The following CDKAL1 variants were observed in gnomAD, a reference collection of about 807,000 sequenced individuals.
The protein encoded by CDKAL1 is threonylcarbamoyladenosine tRNA methylthiotransferase.
CDKAL1 carries 32 observed loss-of-function variants against 68.2 expected under a neutral mutation model. That is an observed-to-expected ratio of 0.47 (90% CI 0.35 to 0.63). The LOEUF is 0.63. Ranked by LOEUF, CDKAL1 falls within the 30% of genes least tolerant of loss-of-function variation. CDKAL1 has a pLI of 0.00. For synonymous variants in CDKAL1, 234 were observed against 244.3 expected, an observed-to-expected ratio of 0.96 and a Z score of 0.39; for missense variants, 606 against 696.7, an observed-to-expected ratio of 0.87 and a Z score of 1.47.
chr6:20,674,448 A>T (rs1294654561), intron 5 of CDKAL1, among the ~76,000 whole-genome samples: 2 of 152,182 alleles, frequency 1.3e-5, no homozygotes, highest in Non-Finnish European at 2.9e-5. Flanking sequence ...TTTTCTTTTT[A>T]AAAAATGGAT....
rs557462183 is a variant in CDKAL1 at position 21,058,126 on chromosome 6, G to A, written c.1056-6922G>A. The stretch of plus-strand genomic sequence containing the variant: ...TGAAAGTGGGGTTTTAAAGTGTCCC[G>A]CTATTATTGGGTGGGAGTCTAAGTC... On this transcript the variant is annotated intron_variant, in intron 11 of 15. Coordinates refer to ENST00000274695, the MANE Select transcript of CDKAL1 (RefSeq NM_017774.3). Among the ~76,000 whole-genome samples, 18 of 152,200 alleles carry A rather than the reference G, an allele frequency of 1.2e-4. No individual in the cohort carries two copies. The South Asian group carries it at 2.3e-3, about 19-fold the overall frequency.
chr6:20,977,309 G>C (rs1055711557), intron 10 of CDKAL1, among the ~76,000 whole-genome samples: 1 of 152,018 alleles, frequency 6.6e-6, no homozygotes, highest in Non-Finnish European at 1.5e-5. Flanking sequence ...TTAAATAATT[G>C]GGCCACATAT....
chr6:21,121,703 A>G (rs1774724316), intron 13 of CDKAL1, among the ~76,000 whole-genome samples: 1 of 152,212 alleles, frequency 6.6e-6, no homozygotes, highest in South Asian at 2.1e-4. Context: ...TTCAATAAAT[A>G]TCTGGTTATT....
intron 5 of CDKAL1, among the ~76,000 whole-genome samples, chr6:20,653,576 C>A (rs138583991): frequency 6.6e-6 from 1 of 151,812 alleles, no homozygotes; most frequent in African/African-American, 2.4e-5. Context: ...CTCAGCCTCC[C>A]GGGTACCTGG....
At chr6:20,674,211 C>T (rs1769983455) in intron 5 of CDKAL1, among the ~76,000 whole-genome samples, 1 of 151,940 alleles carries the variant, frequency 6.6e-6, no homozygotes, top group Non-Finnish European at 1.5e-5. Context: ...CTTTCAAATT[C>T]TTATTCTGTT....
At chr6:20,780,851 T>A (rs1775395318) in intron 7 of CDKAL1, among the ~76,000 whole-genome samples, 1 of 152,032 alleles carries the variant, frequency 6.6e-6, no homozygotes, top group Non-Finnish European at 1.5e-5. Context: ...TTTTTGTACT[T>A]TTAATAGAGA....
Position 20,896,598 on chromosome 6 carries a change from A to G in CDKAL1, c.742+50420A>G, listed in dbSNP as rs575246757. On this transcript the variant is annotated intron_variant, in intron 9 of 15. Coordinates refer to ENST00000274695, the MANE Select transcript of CDKAL1 (RefSeq NM_017774.3). The stretch of plus-strand genomic sequence containing the variant: ...GAATACTTATTTTAAATCAATAATG[A>G]AAACCATGGTTTGAGTTTTTTGGCT... 5.9e-4 allele frequency among the ~76,000 whole-genome samples: 90 copies of G among 152,344 alleles called. 1 individual carries two copies. Among genetic ancestry groups the G allele is most frequent in the Non-Finnish European group, 9.3e-4 (63 of 68,036 alleles).
chr6:20,617,806 C>G (rs754814753), intron 4 of CDKAL1, among the ~76,000 whole-genome samples: 2 of 152,100 alleles, frequency 1.3e-5, no homozygotes, highest in Non-Finnish European at 2.9e-5. Flanking sequence ...TTTTCTTAAT[C>G]TGGTCTATCA....
intron 5 of CDKAL1, among the ~76,000 whole-genome samples, chr6:20,679,307 T>C (rs1488073968): frequency 6.6e-6 from 1 of 152,252 alleles, no homozygotes; most frequent in Non-Finnish European, 1.5e-5. Context: ...AGAATGTGTT[T>C]TACTTTCTGA....
At chr6:21,176,840 G>A (rs1386332006) in intron 13 of CDKAL1, among the ~76,000 whole-genome samples, 6 of 149,148 alleles carry the variant, frequency 4.0e-5, no homozygotes, top group African/African-American at 1.0e-4. Context: ...GATTACAGGC[G>A]CCTGCCACAG....
At chr6:21,067,951 T>A in intron 12 of CDKAL1, among the ~76,000 whole-genome samples, 1 of 152,212 alleles carries the variant, frequency 6.6e-6, no homozygotes, top group Non-Finnish European at 1.5e-5. Flanking sequence ...TTCCTGTTAA[T>A]TAACCATTTT....
rs1168155764 is a variant in CDKAL1 at position 21,231,019 on chromosome 6, T to C, written c.1720T>C (p.Phe574Leu). ...TCTGCTGGGTCTTCTTTTTGCTTTT[T>C]TTGTCAAGGTCTATAATTAGAATAC... ...LALLGLLFAF[F>L]VKVYN Residue 574 changes from phenylalanine (F) to leucine (L), a missense_variant, in exon 16 of 16, where the codon TTT (phenylalanine) becomes CTT (leucine). By Grantham distance (22) the Phe-to-Leu change is conservative (BLOSUM62 0). Transcript: ENST00000274695. The C allele has an allele frequency of 5.6e-6, 9 of 1,607,516 alleles. No homozygotes were observed. The highest frequency in any genetic ancestry group is 1.7e-4 in the Middle Eastern group (1 of 6,044).
chr6:21,020,780 T>C (rs530681492), intron 11 of CDKAL1, among the ~76,000 whole-genome samples: 1 of 151,058 alleles, frequency 6.6e-6, no homozygotes, highest in South Asian at 2.1e-4. Context: ...TTTCCTTTTT[T>C]TTTTTTTTTT....
At chr6:20,759,361 G>T (rs1410561647) in intron 7 of CDKAL1, among the ~76,000 whole-genome samples, 4 of 151,904 alleles carry the variant, frequency 2.6e-5, no homozygotes, top group Non-Finnish European at 5.9e-5. Flanking sequence ...GGGCAACATG[G>T]CGAAACCTCA....
At chr6:20,592,719 G>A (rs6942313) in intron 4 of CDKAL1, among the ~76,000 whole-genome samples, 48,451 of 151,896 alleles carry the variant, frequency 0.32, 8,125 homozygotes, top group Middle Eastern at 0.45. Context: ...CACCCGCCTC[G>A]GCTTCCCAAA....
chr6:20,913,116 TACACACACACACACACACAC>T (rs70990080), intron 9 of CDKAL1, among the ~76,000 whole-genome samples: 4 of 136,462 alleles, frequency 2.9e-5, no homozygotes, highest in Admixed American at 7.2e-5. Flanking sequence ...CACAGTTGTT[TACACACACACACACACACAC>T]ACACACACAC....
chr6:20,805,854 T>C (rs1429457394), intron 8 of CDKAL1, among the ~76,000 whole-genome samples: 4 of 152,212 alleles, frequency 2.6e-5, no homozygotes, highest in Admixed American at 2.6e-4. Context: ...GCTGAAGAAG[T>C]ATGTGCACTG....
intron 13 of CDKAL1, among the ~76,000 whole-genome samples, chr6:21,165,353 A>G (rs1777109400): frequency 6.6e-6 from 1 of 152,210 alleles, no homozygotes; most frequent in Non-Finnish European, 1.5e-5. Flanking sequence ...TGTGAATTCT[A>G]AGGTCAAAAT....
intron 8 of CDKAL1, among the ~76,000 whole-genome samples, chr6:20,827,623 T>C (rs1777552494): frequency 6.6e-6 from 1 of 152,156 alleles, no homozygotes; most frequent in Admixed American, 6.6e-5. Flanking sequence ...AAAAGGTCTA[T>C]GGAGTTGCAT....
Sources: gnomAD v4.1 joint callset for allele counts (sites outside exome capture counted in the v4.1 genomes callset) on GRCh38, gnomAD v4.1.1 for gene constraint, MANE v1.5 for transcripts, NCBI Gene and HGNC (gene_info 2026-07-23, HGNC 2026-07-21) for gene names.